The following RAP1GAP2 variants were observed in gnomAD, a reference collection of about 807,000 sequenced individuals.
RAP1GAP2 encodes the protein rap1 GTPase-activating protein 2.
In RAP1GAP2, 27 loss-of-function variants were observed where a neutral mutation model predicts 95.0. That is an observed-to-expected ratio of 0.28 (90% CI 0.21 to 0.39). RAP1GAP2 has a LOEUF of 0.39. RAP1GAP2 is among the 10% of genes least tolerant of loss of function. The pLI is 1.00. For synonymous variants in RAP1GAP2, 373 were observed against 380.9 expected, an observed-to-expected ratio of 0.98 and a Z score of 0.24; for missense variants, 771 against 970.0, an observed-to-expected ratio of 0.79 and a Z score of 2.72.
chr17:2,810,410 T>C, intron 2 of RAP1GAP2, among the ~76,000 whole-genome samples: 1 of 151,230 alleles, frequency 6.6e-6, no homozygotes, highest in East Asian at 2.0e-4. Flanking sequence ...GTGCACAACA[T>C]GCAGGTTTGT....
At chr17:2,974,048 A>G (rs1216655408) in intron 8 of RAP1GAP2, among the ~76,000 whole-genome samples, 1 of 152,136 alleles carries the variant, frequency 6.6e-6, no homozygotes, top group Non-Finnish European at 1.5e-5. Flanking sequence ...GTGTTTAAAA[A>G]AAGAAAGAAG....
chr17:2,871,938 A>G lies in RAP1GAP2; in HGVS notation c.81-33346A>G, dbSNP rs1468606321. 6.6e-6 allele frequency among the ~76,000 whole-genome samples: 1 copy of G among 152,154 alleles called. No individual in the cohort carries two copies. The highest frequency in any genetic ancestry group is 2.4e-5 in the African/African-American group (1 of 41,458). ...TGGACTAACTACTTAAAATAGAATG[A>G]TGAGGCCAGGCGTGGTGGCTCACGC... is the stretch of plus-strand genomic sequence containing the variant. On this transcript the variant is annotated intron_variant, in intron 2 of 24. Transcript: ENST00000254695. This position sits in a 1 kb window ranked among gnomAD's most constrained non-coding sequence, Gnocchi z 5.0.
intron 1 of RAP1GAP2, among the ~76,000 whole-genome samples, chr17:2,758,183 T>C (rs1232583610): frequency 9.9e-4 from 109 of 109,622 alleles, no homozygotes; most frequent in East Asian, 2.0e-3. Flanking sequence ...CCCCCCCCCT[T>C]TTTTTTTTTT....
upstream of RAP1GAP2, among the ~76,000 whole-genome samples, chr17:2,774,606 G>C (rs2151438322): frequency 6.6e-6 from 1 of 151,404 alleles, no homozygotes; most frequent in East Asian, 2.0e-4. Flanking sequence ...TGAGTAGCTG[G>C]GACGACAGGC....
intron 10 of RAP1GAP2, 70 bp downstream of exon 10, chr17:2,981,318 T>G: frequency 7.1e-7 from 1 of 1,414,480 alleles, no homozygotes; most frequent in Non-Finnish European, 9.8e-7. Context: ...TGTGGCTCTT[T>G]GGGGAGTTCT....
Position 3,029,293 on chromosome 17 carries a change from G to T in RAP1GAP2, c.2108-1629G>T, listed in dbSNP as rs557317009. Among the ~76,000 whole-genome samples the T allele has an allele frequency of 3.3e-5, 5 of 152,184 alleles. No individual in the cohort carries two copies. The highest frequency in any genetic ancestry group is 1.2e-4 in the African/African-American group (5 of 41,448). The stretch of plus-strand genomic sequence containing the variant: ...ACCGAGGGCGGAAGGGACCTGGAGC[G>T]GGTCTGGTGACTTATGGCCGGTGCT... On this transcript the variant is annotated intron_variant, in intron 22 of 24. Coordinates refer to ENST00000254695, the MANE Select transcript of RAP1GAP2 (RefSeq NM_015085.5). The surrounding 1 kb of genome is among the most constrained non-coding windows in gnomAD (Gnocchi z 4.4).
In RAP1GAP2 at chr17:3,023,630, A is replaced by G. The variant is rs760764244; in HGVS notation, c.1752-2378A>G. ...GAGTTACAGGTTTTTAAAAATTTTT[A>G]TTTTACTTTTTTCTTTTATTATTAT... On this transcript the variant is annotated intron_variant, in intron 19 of 24. Coordinates refer to ENST00000254695, the MANE Select transcript of RAP1GAP2 (RefSeq NM_015085.5). Among the ~76,000 whole-genome samples, 5 of 152,016 alleles carry G rather than the reference A, an allele frequency of 3.3e-5. No homozygotes were observed. In the South Asian group the frequency reaches 8.3e-4, roughly 25 times the overall value.
At chr17:2,760,828 C>G (rs2071232199) in intron 1 of RAP1GAP2, among the ~76,000 whole-genome samples, 1 of 152,136 alleles carries the variant, frequency 6.6e-6, no homozygotes, top group African/African-American at 2.4e-5. Context: ...AGGAGTACTG[C>G]TCATATTTTG....
chr17:2,833,550 T>A (rs149500606), intron 2 of RAP1GAP2, among the ~76,000 whole-genome samples: 4,335 of 151,040 alleles, frequency 0.029, 82 homozygotes, highest in Non-Finnish European at 0.04. Context: ...ATGAGCCGGG[T>A]GTGTTGGCGG....
At chr17:2,787,823 T>C (rs1002680443) in intron 1 of RAP1GAP2, among the ~76,000 whole-genome samples, 1 of 152,148 alleles carries the variant, frequency 6.6e-6, no homozygotes, top group Non-Finnish European at 1.5e-5. Flanking sequence ...CGCCTCGGCC[T>C]CCCAAAGTAC....
chr17:2,765,141 A>T (rs569675757), intron 1 of RAP1GAP2, among the ~76,000 whole-genome samples: 14 of 152,280 alleles, frequency 9.2e-5, no homozygotes, highest in African/African-American at 3.4e-4. Flanking sequence ...GAGGAGGGAC[A>T]TGTCCCAAAT....
intron 3 of RAP1GAP2, among the ~76,000 whole-genome samples, chr17:2,930,277 C>G (rs1321427976): frequency 6.6e-6 from 1 of 152,204 alleles, no homozygotes. Flanking sequence ...CACGTGGGAG[C>G]CTGTGGCTGG....
chr17:2,949,133 A>G (rs12937124), intron 3 of RAP1GAP2, among the ~76,000 whole-genome samples: 67,057 of 152,104 alleles, frequency 0.44, 15,094 homozygotes, highest in African/African-American at 0.5. Context: ...GGAGTTCCTC[A>G]GCTGAGTGCT....
intron 8 of RAP1GAP2, among the ~76,000 whole-genome samples, chr17:2,978,470 A>G (rs2045218003): frequency 1.3e-5 from 2 of 152,072 alleles, no homozygotes; most frequent in South Asian, 2.1e-4. Flanking sequence ...TCCCGGGTGG[A>G]TAGAGTGGGA....
chr17:2,989,134 C>G (rs1243481267), intron 11 of RAP1GAP2, among the ~76,000 whole-genome samples: 1 of 152,068 alleles, frequency 6.6e-6, no homozygotes, highest in Non-Finnish European at 1.5e-5. Context: ...TTTCTTCTCA[C>G]CAGCAGTGTA....
chr17:2,889,889 A>ATATATATATATTTTT (rs1408426152), intron 2 of RAP1GAP2, among the ~76,000 whole-genome samples: 13 of 57,312 alleles, frequency 2.3e-4, no homozygotes, highest in Admixed American at 1.1e-3. Context: ...ATATATATAT[A>ATATATATATATTTTT]TTTTTTTTTT....
chr17:2,917,863 A>ACCCCACCCAGC (rs1567776281), intron 3 of RAP1GAP2, among the ~76,000 whole-genome samples: 2 of 151,234 alleles, frequency 1.3e-5, no homozygotes, highest in African/African-American at 4.9e-5. Flanking sequence ...TTACAAGCAC[A>ACCCCACCCAGC]TGCCACCACA....
At position 3,027,586 on chromosome 17, in the gene RAP1GAP2, C is replaced by T. The variant is rs1455303217; in HGVS notation, c.2107+516C>T. Among the ~76,000 whole-genome samples, 1 of 151,970 alleles carries T rather than the reference C, an allele frequency of 6.6e-6. No individual in the cohort carries two copies. The highest frequency in any genetic ancestry group is 1.5e-5 in the Non-Finnish European group (1 of 67,994). On this transcript the variant is annotated intron_variant, in intron 22 of 24. Transcript: ENST00000254695. The surrounding 1 kb of genome is among the most constrained non-coding windows in gnomAD (Gnocchi z 5.2). Reference sequence around the variant, plus strand: ...CAGCTGGGTTCACAGAGCCAGGCGTCAGAGAGGCCGGAGCGTTGACAGGCT... The same window carrying T: ...CAGCTGGGTTCACAGAGCCAGGCGTTAGAGAGGCCGGAGCGTTGACAGGCT...
chr17:3,031,085 A>G (rs1445236964), intron 23 of RAP1GAP2, 87 bp downstream of exon 23: 2 of 1,369,594 alleles, frequency 1.5e-6, no homozygotes, highest in Non-Finnish European at 2.0e-6. Flanking sequence ...GGGTTCAGAC[A>G]TCCCAGAGGG....
Sources: allele counts gnomAD v4.1 joint callset (sites outside exome capture counted in the v4.1 genomes callset), GRCh38; gene constraint gnomAD v4.1.1; non-coding constraint Gnocchi (gnomAD v3.1); transcripts MANE v1.5; gene names NCBI Gene and HGNC (gene_info 2026-07-23, HGNC 2026-07-21).